The following SLC26A3 variants were observed in gnomAD, a reference collection of about 807,000 sequenced individuals.
SLC26A3 encodes solute carrier family 26 member 3, also known as chloride anion exchanger.
A neutral mutation model predicts 85.6 loss-of-function variants in SLC26A3; 64 were observed. The observed-to-expected ratio is 0.75, with a 90% CI of 0.61 to 0.92. The LOEUF is 0.92. Ranked by LOEUF, SLC26A3 falls within the 40% of genes least tolerant of loss-of-function variation. The pLI is 0.00. For synonymous variants in SLC26A3, 349 were observed against 336.0 expected, an observed-to-expected ratio of 1.04 and a Z score of -0.42; for missense variants, 922 against 927.3, an observed-to-expected ratio of 0.99 and a Z score of 0.07.
chr7:107,767,440 T>G, intron 20 of SLC26A3, 139 bp downstream of exon 20: 1 of 702,756 alleles, frequency 1.4e-6, no homozygotes. Context: ...TTAGCATTGC[T>G]TCAGTTTTCT....
At chr7:107,772,839 A>T (rs2115807746) in intron 17 of SLC26A3, among the ~76,000 whole-genome samples, 1 of 152,284 alleles carries the variant, frequency 6.6e-6, no homozygotes, top group African/African-American at 2.4e-5. Flanking sequence ...AACCAAAACC[A>T]AAAAAGAAAA....
intron 13 of SLC26A3, among the ~76,000 whole-genome samples, chr7:107,777,001 G>A (rs376378195): frequency 6.6e-6 from 1 of 152,198 alleles, no homozygotes. Flanking sequence ...AGGTAAGGTG[G>A]ATATGATTAC....
At chr7:107,787,637 G>T in intron 6 of SLC26A3, 128 bp from the exon 7 acceptor site, 1 of 770,152 alleles carries the variant, frequency 1.3e-6, no homozygotes, top group Non-Finnish European at 2.1e-6. Context: ...GTGATTTCCT[G>T]TATTGCCCCG....
At chr7:107,802,389 A>G (rs1794614488) in intron 1 of SLC26A3, among the ~76,000 whole-genome samples, 2 of 151,778 alleles carry the variant, frequency 1.3e-5, no homozygotes, top group Admixed American at 1.3e-4. Flanking sequence ...TCCAGTGACC[A>G]TTTTCTCCCC....
intron 20 of SLC26A3, among the ~76,000 whole-genome samples, chr7:107,766,306 T>G (rs568203613): frequency 1.1e-4 from 17 of 152,128 alleles, no homozygotes; most frequent in African/African-American, 4.1e-4. Flanking sequence ...GTTAGACAAT[T>G]GGTTCTAGTG....
chr7:107,774,202 G>T (rs758048673), intron 16 of SLC26A3, 49 bp from the exon 17 acceptor site: 3 of 1,397,976 alleles, frequency 2.1e-6, no homozygotes, highest in Non-Finnish European at 3.0e-6. Flanking sequence ...GAAAAACATT[G>T]TGTATGTCAG....
chr7:107,783,970 C>T (rs777475330), intron 8 of SLC26A3, among the ~76,000 whole-genome samples: 8 of 152,152 alleles, frequency 5.3e-5, no homozygotes, highest in Non-Finnish European at 8.8e-5. Flanking sequence ...GCTTAAGCCT[C>T]ATGAATGTAG....
rs1341951711 is a variant in SLC26A3 at position 107,774,164 on chromosome 7, G to A, written c.1774-11C>T. ...ACATATAAATCCTTTCTGCAGGAGAGGATAACAAGTATGAAAACTGTGACC... is the reference window on the plus strand; with the variant it reads ...ACATATAAATCCTTTCTGCAGGAGAAGATAACAAGTATGAAAACTGTGACC... On this transcript the variant is annotated splice_polypyrimidine_tract_variant and intron_variant, in intron 16 of 20. Transcript: ENST00000340010. 8 of 1,592,338 alleles carry A rather than the reference G, an allele frequency of 5.0e-6. No homozygotes were observed. In the Admixed American group the frequency reaches 1.3e-4, roughly 27 times the overall value.
At chr7:107,802,886 G>A (rs1370090305) in intron 1 of SLC26A3, among the ~76,000 whole-genome samples, 4 of 151,860 alleles carry the variant, frequency 2.6e-5, no homozygotes, top group African/African-American at 7.3e-5. Context: ...ACTTAATGAT[G>A]CCTACAACCA....
At chr7:107,786,957 G>T in intron 7 of SLC26A3, 48 bp from the exon 8 acceptor site, 2 of 1,485,086 alleles carry the variant, frequency 1.3e-6, no homozygotes, top group Non-Finnish European at 1.9e-6. Flanking sequence ...ATGCAAGTAA[G>T]AGTCTTGCTT....
In SLC26A3 at chr7:107,791,075, T is replaced by C. The variant is rs2115873529; in HGVS notation, c.543A>G (p.Ser181=). The C allele has an allele frequency of 6.2e-7, 1 of 1,614,092 alleles. No homozygotes were observed. Among genetic ancestry groups the C allele is most frequent in the Admixed American group, 1.7e-5 (1 of 60,020 alleles). ...GGATGATTCCAGAAAGCACTGTGAC[T>C]GATGCCGCCGCCGCCACCCTCACCC... ...DERVRVAAAA[S]VTVLSGIIQL... is the part of the protein sequence containing the mutation. Residue 181 remains serine (S), a synonymous_variant, in exon 5 of 21, where the codon TCA becomes TCG. Transcript: ENST00000340010.
intron 6 of SLC26A3, 45 bp from the exon 7 acceptor site, chr7:107,787,554 A>C (rs750411269): frequency 1.3e-6 from 2 of 1,535,454 alleles, no homozygotes; most frequent in South Asian, 1.1e-5. Flanking sequence ...ATATTAATGC[A>C]CAATTTGGAT....
At chr7:107,796,701 T>C (rs1168822898) in intron 1 of SLC26A3, among the ~76,000 whole-genome samples, 1 of 148,750 alleles carries the variant, frequency 6.7e-6, no homozygotes, top group African/African-American at 2.6e-5. Context: ...TTCTGACATC[T>C]TGGATTTCTC....
chr7:107,791,366 C>T (rs941459966), intron 4 of SLC26A3, 131 bp from the exon 5 acceptor site: 14 of 965,420 alleles, frequency 1.5e-5, no homozygotes, highest in African/African-American at 1.4e-4. Context: ...AATCCCAGCA[C>T]TTTGGGAGGC....
At position 107,776,498 on chromosome 7, in the gene SLC26A3, A is replaced by G. The variant is rs386833467; in HGVS notation, c.1631T>C (p.Ile544Thr). The G allele has an allele frequency of 6.2e-7, 1 of 1,614,164 alleles. No individual in the cohort carries two copies. Among genetic ancestry groups the G allele is most frequent in the Admixed American group, 1.7e-5 (1 of 60,030 alleles). The change falls in exon 15 of 21, where the codon ATC becomes ACC. Residue 544 changes from isoleucine (I) to threonine (T), a missense_variant. By Grantham distance (89) the Ile-to-Thr change is moderately conservative. Transcript: ENST00000340010. ...GVKIFRCPSPIYFANIGFFRR... is the reference protein window; with the variant it reads ...GVKIFRCPSPTYFANIGFFRR... The stretch of plus-strand genomic sequence containing the variant: ...AAAGAAACCAATGTTTGCAAAGTAG[A>G]TAGGAGATGGACATCTGAAAATTTT...
intron 18 of SLC26A3, among the ~76,000 whole-genome samples, chr7:107,771,022 T>A (rs1432799929): frequency 6.6e-6 from 1 of 152,120 alleles, no homozygotes; most frequent in Non-Finnish European, 1.5e-5. Flanking sequence ...GGATATTAGT[T>A]AGAAAGTCCT....
At chr7:107,770,000 C>CTCTTTCTCTCTTTCTTTCTT (rs1793979647) in intron 18 of SLC26A3, among the ~76,000 whole-genome samples, 2 of 130,994 alleles carry the variant, frequency 1.5e-5, no homozygotes, top group Non-Finnish European at 1.7e-5. Context: ...TTCCTTTTTT[C>CTCTTTCTCTCTTTCTTTCTT]TCTTTCTTTC....
Position 107,786,896 on chromosome 7 carries a change from GCTGCAATCACGGT to G in SLC26A3, c.889_901del (p.Thr297GlnfsTer21). On this transcript the variant is annotated frameshift_variant and splice_region_variant, in exon 8 of 21. Coordinates refer to ENST00000340010, the MANE Select transcript of SLC26A3 (RefSeq NM_000111.3). LOFTEE classifies it high-confidence loss of function. ...AAAGTCACAGCCGTAGGATACACCT[GCTGCAATCACGGT>G]CTGCAAAGTTGCAAATGGCCCAAGT... 6.2e-7 allele frequency: 1 copy of G among 1,613,912 alleles called. No homozygotes were observed. Among genetic ancestry groups the G allele is most frequent in the Non-Finnish European group, 8.5e-7 (1 of 1,179,926 alleles).
rs988719181 is a variant in SLC26A3, at chr7:107,772,519, A to G, written c.2008-411T>C. On this transcript the variant is annotated intron_variant, in intron 17 of 20. Coordinates refer to ENST00000340010, the MANE Select transcript of SLC26A3 (RefSeq NM_000111.3). ...AATTATTTTTGTCCACAATGAATGG[A>G]TGTATCTAGCACCAATGAATGTTTA... Among the ~76,000 whole-genome samples, 6 of 152,334 alleles carry G rather than the reference A, an allele frequency of 3.9e-5. No homozygotes were observed. The East Asian group carries it at 9.6e-4, about 24-fold the overall frequency.
Sources: allele counts gnomAD v4.1 joint callset (sites outside exome capture counted in the v4.1 genomes callset), GRCh38; gene constraint gnomAD v4.1.1; transcripts MANE v1.5; gene names NCBI Gene and HGNC (gene_info 2026-07-23, HGNC 2026-07-21).